The following NEO1 variants were observed in gnomAD, a reference collection of about 807,000 sequenced individuals.
NEO1 encodes neogenin.
NEO1 carries 63 observed loss-of-function variants against 159.7 expected under a neutral mutation model. That is an observed-to-expected ratio of 0.39 (90% CI 0.32 to 0.49). The LOEUF (loss-of-function observed/expected upper bound fraction) is 0.49. Among genes scored for constraint, NEO1 ranks in the 20% least tolerant of loss-of-function variants. The pLI is 0.85. For missense variants in NEO1, 1,615 were observed against 1,831.0 expected (o/e 0.88, Z 2.15); for synonymous variants, 633 against 662.0 (o/e 0.96, Z 0.67).
chr15:73,299,192 G>T (rs1375033657), intron 27 of NEO1, among the ~76,000 whole-genome samples: 1 of 151,996 alleles, frequency 6.6e-6, no homozygotes, highest in Non-Finnish European at 1.5e-5. Context: ...AAAATTTCTG[G>T]TCTCAGTATC....
intron 1 of NEO1, among the ~76,000 whole-genome samples, chr15:73,082,714 A>C (rs137927795): frequency 3.1e-4 from 47 of 152,300 alleles, no homozygotes; most frequent in African/African-American, 1.0e-3. Flanking sequence ...TCAGTATTTT[A>C]TATATGGGCA....
At chr15:73,246,163 A>G (rs551498039) in intron 9 of NEO1, among the ~76,000 whole-genome samples, 2 of 152,316 alleles carry the variant, frequency 1.3e-5, no homozygotes, top group South Asian at 4.2e-4. Flanking sequence ...TTTATTGAGT[A>G]TCCCCTATAC....
At position 73,086,770 on chromosome 15, in the gene NEO1, T is replaced by G. The variant is rs971429395; in HGVS notation, c.131-29770T>G. On this transcript the variant is annotated intron_variant, in intron 1 of 28. Transcript: ENST00000261908. ...TCTTGATTCACACGATTCTCCTGCC[T>G]CAGCCTCCTGAGTAGCTAGGATTAC... Among the ~76,000 whole-genome samples the G allele has an allele frequency of 2.1e-5, 3 of 144,386 alleles. No individual in the cohort carries two copies. The Admixed American group carries it at 2.1e-4, about 10-fold the overall frequency. 94.7% of individuals were successfully genotyped at this position (144,386 alleles called of 152,430 possible).
At chr15:73,262,611 T>C (rs977606760) in intron 15 of NEO1, among the ~76,000 whole-genome samples, 1 of 152,068 alleles carries the variant, frequency 6.6e-6, no homozygotes, top group African/African-American at 2.4e-5. Flanking sequence ...ATAACAAATA[T>C]CAACAAGGAT....
At chr15:73,073,488 A>G (rs567434821) in intron 1 of NEO1, among the ~76,000 whole-genome samples, 9 of 152,196 alleles carry the variant, frequency 5.9e-5, no homozygotes, top group Non-Finnish European at 1.2e-4. Context: ...GTATTTAAAA[A>G]TGGAAGGCTC....
Position 73,232,954 on chromosome 15 carries a change from G to A in NEO1, c.1292-3393G>A, listed in dbSNP as rs1011233535. The stretch of plus-strand genomic sequence containing the variant: ...GTGTGTGAAGTCTGGTAATTTTCAT[G>A]AACAGATGCTTCTCAGCTTGTTATA... On this transcript the variant is annotated intron_variant, in intron 7 of 28. Coordinates refer to ENST00000261908, the MANE Select transcript of NEO1 (RefSeq NM_002499.4). Among the ~76,000 whole-genome samples the A allele has an allele frequency of 6.6e-5, 10 of 152,314 alleles. No individual in the cohort carries two copies. In the South Asian group the frequency reaches 1.5e-3, roughly 22 times the overall value.
chr15:73,086,948 G>A (rs1181579026), intron 1 of NEO1, among the ~76,000 whole-genome samples: 1 of 152,002 alleles, frequency 6.6e-6, no homozygotes, highest in African/African-American at 2.4e-5. Context: ...GAGCCACCGC[G>A]CCTAGCCAGA....
intron 1 of NEO1, among the ~76,000 whole-genome samples, chr15:73,104,652 A>G (rs893895624): frequency 6.6e-5 from 10 of 152,212 alleles, no homozygotes; most frequent in Non-Finnish European, 1.2e-4. Context: ...ATATTAGTCT[A>G]TTCTCACACT....
chr15:73,258,407 C>G (rs1009191690), intron 13 of NEO1, among the ~76,000 whole-genome samples: 18 of 152,234 alleles, frequency 1.2e-4, no homozygotes, highest in African/African-American at 4.1e-4. Flanking sequence ...TTTTATAACT[C>G]TTTCATTGTT....
chr15:73,230,874 T>A (rs1364626739), intron 7 of NEO1, among the ~76,000 whole-genome samples: 1 of 152,134 alleles, frequency 6.6e-6, no homozygotes, highest in Non-Finnish European at 1.5e-5. Flanking sequence ...TATATAGGCA[T>A]AAGCCACCAT....
At chr15:73,229,509 A>G (rs2038791418) in intron 7 of NEO1, among the ~76,000 whole-genome samples, 1 of 150,414 alleles carries the variant, frequency 6.6e-6, no homozygotes, top group Non-Finnish European at 1.5e-5. Flanking sequence ...TATGTCATTC[A>G]CACATGAAAA....
At chr15:73,084,876 G>A (rs1041913622) in intron 1 of NEO1, among the ~76,000 whole-genome samples, 2 of 151,686 alleles carry the variant, frequency 1.3e-5, no homozygotes, top group African/African-American at 4.8e-5. Context: ...ATAGTTTTAG[G>A]TTTCATCTTT....
intron 5 of NEO1, among the ~76,000 whole-genome samples, chr15:73,139,798 T>C (rs2032200775): frequency 6.6e-6 from 1 of 152,274 alleles, no homozygotes; most frequent in South Asian, 2.1e-4. Context: ...CTCATTCATT[T>C]ATGTATTGCC....
chr15:73,221,105 G>A (rs1160195525), intron 7 of NEO1, among the ~76,000 whole-genome samples: 1 of 152,048 alleles, frequency 6.6e-6, no homozygotes. Flanking sequence ...TGGATTTTTG[G>A]TGTGGATGTC....
intron 7 of NEO1, among the ~76,000 whole-genome samples, chr15:73,217,474 T>A (rs1404291964): frequency 6.6e-6 from 1 of 151,942 alleles, no homozygotes; most frequent in African/African-American, 2.4e-5. Flanking sequence ...AAGAAAGTCA[T>A]TGGTAGCTTG....
At chr15:73,076,493 A>G (rs150916016) in intron 1 of NEO1, among the ~76,000 whole-genome samples, 14 of 152,168 alleles carry the variant, frequency 9.2e-5, no homozygotes, top group Non-Finnish European at 1.8e-4. Flanking sequence ...TGCCAGGCCC[A>G]TAGTTGATTT....
intron 1 of NEO1, among the ~76,000 whole-genome samples, chr15:73,056,798 C>T (rs909258949): frequency 2.0e-5 from 3 of 152,054 alleles, no homozygotes; most frequent in South Asian, 2.1e-4. Flanking sequence ...GTAGTTTTAG[C>T]GTTTTTTTAG....
At position 73,126,429 on chromosome 15, in the gene NEO1, T is replaced by A. The variant is rs780801893; in HGVS notation, c.737T>A (p.Ile246Lys). 3.1e-6 allele frequency: 5 copies of A among 1,592,240 alleles called. No individual in the cohort carries two copies. The highest frequency in any genetic ancestry group is 4.3e-6 in the Non-Finnish European group (5 of 1,168,172). Residue 246 changes from isoleucine to lysine, a missense_variant, in exon 4 of 29, where the codon ATA becomes AAA. By Grantham distance (102) the Ile-to-Lys change is moderately radical (BLOSUM62 -3). Around this residue, in one of 3 missense-constraint regions of NEO1, gnomAD observed 1,018 missense variants for 1,115.4 expected, o/e 0.91. Coordinates refer to ENST00000261908, the MANE Select transcript of NEO1 (RefSeq NM_002499.4). ...ELKVLPDPEV[I>K]SDLVFLKQPS... is the part of the protein sequence containing the mutation. The stretch of plus-strand genomic sequence containing the variant: ...TTTTTTTTTTTAGATCCTGAGGTGA[T>A]ATCAGACTTGGTATTTTTGAAACAG...
At chr15:73,088,827 G>A (rs1168577818) in intron 1 of NEO1, among the ~76,000 whole-genome samples, 3 of 152,056 alleles carry the variant, frequency 2.0e-5, no homozygotes, top group Admixed American at 6.6e-5. Context: ...TTAATTGGGC[G>A]TGAAATAGAG....
Sources: allele counts gnomAD v4.1 joint callset (sites outside exome capture counted in the v4.1 genomes callset), GRCh38; gene constraint gnomAD v4.1.1; regional missense constraint gnomAD v4.1.1; transcripts MANE v1.5; gene names NCBI Gene and HGNC (gene_info 2026-07-23, HGNC 2026-07-21).